Variants in NYAP1 observed in about 807,000 individuals in gnomAD.
NYAP1 encodes neuronal tyrosine-phosphorylated phosphoinositide-3-kinase adapter 1.
NYAP1 carries 20 observed loss-of-function variants against 58.6 expected under a neutral mutation model. The ratio of observed to expected loss-of-function variants is 0.34; its 90% CI spans 0.24 to 0.50. The LOEUF is 0.50. NYAP1 is among the 20% of genes least tolerant of loss of function. The pLI is 0.98. For synonymous variants in NYAP1, 572 were observed against 523.1 expected, an observed-to-expected ratio of 1.09 and a Z score of -1.27; for missense variants, 1,150 against 1,194.5, an observed-to-expected ratio of 0.96 and a Z score of 0.55.
In NYAP1 at chr7:100,485,741, G is replaced by A. The variant is rs911002028; in HGVS notation, c.68+362G>A. ...GCCCCGCCTCTCTCCCAGGGTCTAGGGAAGGGGTCATTTCAGGGGCATCAG... is the reference window on the plus strand; with the variant it reads ...GCCCCGCCTCTCTCCCAGGGTCTAGAGAAGGGGTCATTTCAGGGGCATCAG... On this transcript the variant is annotated intron_variant, in intron 2 of 6. Transcript: ENST00000300179. The surrounding 1 kb of genome is among the most constrained non-coding windows in gnomAD (Gnocchi z 5.7). Among the ~76,000 whole-genome samples the A allele has an allele frequency of 1.3e-5, 2 of 152,206 alleles. No homozygotes were observed. The highest frequency in any genetic ancestry group is 3.8e-4 in the East Asian group (2 of 5,202).
In NYAP1 at chr7:100,494,551, G is replaced by A. The variant is rs1277476877; in HGVS notation, c.*648G>A. 1 of 151,946 alleles carries A rather than the reference G, an allele frequency of 6.6e-6. No homozygotes were observed. The highest frequency in any genetic ancestry group is 1.5e-5 in the Non-Finnish European group (1 of 67,948). The allele number at this position is 151,946 out of a possible 1,614,324, so 9.4% of individuals were successfully genotyped here. On this transcript the variant is annotated 3_prime_UTR_variant, in exon 7 of 7. Coordinates refer to ENST00000300179, the MANE Select transcript of NYAP1 (RefSeq NM_173564.4). ...AGCAGAGGGCCCAAGACCATTCACAGTATTTACAATTTGCCAGAATTTGGT... is the reference window on the plus strand; with the variant it reads ...AGCAGAGGGCCCAAGACCATTCACAATATTTACAATTTGCCAGAATTTGGT...
Position 100,487,091 on chromosome 7 carries a change from A to T in NYAP1, c.339A>T (p.Arg113Ser). Reference sequence around the variant, plus strand: ...TCACAGAGGACAGCAGCACCCGAAGACCCCCTGCCAAGCCCCGGAGACACC... The same window carrying T: ...TCACAGAGGACAGCAGCACCCGAAGTCCCCCTGCCAAGCCCCGGAGACACC... ...GGLTEDSSTR[R>S]PPAKPRRHPS... The change falls in exon 3 of 7, where the codon AGA becomes AGT. Residue 113 changes from arginine to serine, a missense_variant. Transcript: ENST00000300179. This position sits in a 1 kb window ranked among gnomAD's most constrained non-coding sequence, Gnocchi z 4.1. The T allele has an allele frequency of 1.3e-6, 2 of 1,589,036 alleles. No homozygotes were observed. The highest frequency in any genetic ancestry group is 1.1e-5 in the South Asian group (1 of 88,428).
intron 6 of NYAP1, among the ~76,000 whole-genome samples, chr7:100,492,486 CTG>C (rs1454414569): frequency 1.1e-4 from 16 of 152,246 alleles, no homozygotes; most frequent in African/African-American, 3.9e-4. Flanking sequence ...AATCCCAGAA[CTG>C]TGGGAGGCAG....
Position 100,490,671 on chromosome 7 carries a change from G to A in NYAP1, c.2100G>A (p.Gly700=), listed in dbSNP as rs1289250113. The change falls in exon 5 of 7, where the codon GGG becomes GGA. Residue 700 remains glycine (G), a synonymous_variant. Coordinates refer to ENST00000300179, the MANE Select transcript of NYAP1 (RefSeq NM_173564.4). This position sits in a 1 kb window ranked among gnomAD's most constrained non-coding sequence, Gnocchi z 4.6. Reference sequence around the variant, plus strand: ...GGATCCACCATGGAGACCGAGGAGGGAGCCGCACCGCGCTGCCCATTCCCT... The same window carrying A: ...GGATCCACCATGGAGACCGAGGAGGAAGCCGCACCGCGCTGCCCATTCCCT... ...LARIHHGDRG[G]SRTALPIPCQ... is the part of the protein sequence containing the mutation. The A allele has an allele frequency of 1.3e-6, 2 of 1,559,638 alleles. No homozygotes were observed. The highest frequency in any genetic ancestry group is 1.7e-6 in the Non-Finnish European group (2 of 1,152,250).
chr7:100,493,280 G>C (rs1195414575), intron 6 of NYAP1, among the ~76,000 whole-genome samples: 2 of 152,164 alleles, frequency 1.3e-5, no homozygotes, highest in Non-Finnish European at 2.9e-5. Flanking sequence ...AGGATTGCTT[G>C]AGCCCAGGAG....
Position 100,486,944 on chromosome 7 carries a change from C to T in NYAP1, c.192C>T (p.Pro64=), listed in dbSNP as rs781754728. 11 of 1,604,118 alleles carry T rather than the reference C, an allele frequency of 6.9e-6. No homozygotes were observed. The highest frequency in any genetic ancestry group is 3.3e-5 in the South Asian group (3 of 90,168). The change falls in exon 3 of 7, where the codon CCC becomes CCT. Residue 64 remains proline, a synonymous_variant. Coordinates refer to ENST00000300179, the MANE Select transcript of NYAP1 (RefSeq NM_173564.4). This position sits in a 1 kb window ranked among gnomAD's most constrained non-coding sequence, Gnocchi z 6.2. ...TCAGGATGGGTTTCATGACGATGCCCGCCTCCCAGGAGCACACCCCGCACC... is the reference window on the plus strand; with the variant it reads ...TCAGGATGGGTTTCATGACGATGCCTGCCTCCCAGGAGCACACCCCGCACC... ...RSLRMGFMTM[P]ASQEHTPHPC... is the part of the protein sequence containing the mutation.
Position 100,488,996 on chromosome 7 carries a change from C to T in NYAP1, c.1275C>T (p.Pro425=). The change falls in exon 4 of 7, where the codon CCC becomes CCT. Residue 425 remains proline, a synonymous_variant. Coordinates refer to ENST00000300179, the MANE Select transcript of NYAP1 (RefSeq NM_173564.4). This position sits in a 1 kb window ranked among gnomAD's most constrained non-coding sequence, Gnocchi z 5.9. ...SGQPRGEREL[P]NSHSMICPKA... is the part of the protein sequence containing the mutation. Reference sequence around the variant, plus strand: ...AGCCCCGGGGGGAGCGGGAGCTCCCCAACTCCCACAGCATGATCTGCCCTA... The same window carrying T: ...AGCCCCGGGGGGAGCGGGAGCTCCCTAACTCCCACAGCATGATCTGCCCTA... 6.3e-7 allele frequency: 1 copy of T among 1,576,350 alleles called. No homozygotes were observed. Among genetic ancestry groups the T allele is most frequent in the South Asian group, 1.1e-5 (1 of 88,112 alleles).
Position 100,488,271 on chromosome 7 carries a change from C to T in NYAP1, c.550C>T (p.Pro184Ser), listed in dbSNP as rs763641581. Residue 184 changes from proline (P) to serine (S), a missense_variant, in exon 4 of 7, where the codon CCC (proline) becomes TCC (serine). By Grantham distance (74) the Pro-to-Ser change is moderately conservative. Transcript: ENST00000300179. This position sits in a 1 kb window ranked among gnomAD's most constrained non-coding sequence, Gnocchi z 5.9. The part of the protein sequence containing the change: ...VSFDESCPPG[P>S]SPRGGNLPLQ... ...CTTCGATGAGTCCTGCCCCCCAGGCCCCTCTCCTCGAGGGGGGAACCTGCC... is the reference window on the plus strand; with the variant it reads ...CTTCGATGAGTCCTGCCCCCCAGGCTCCTCTCCTCGAGGGGGGAACCTGCC... 4.3e-6 allele frequency: 7 copies of T among 1,613,942 alleles called. No homozygotes were observed. Among genetic ancestry groups the T allele is most frequent in the Non-Finnish European group, 5.9e-6 (7 of 1,179,936 alleles).
Position 100,491,045 on chromosome 7 carries a change from G to A in NYAP1, c.2218G>A (p.Val740Met), listed in dbSNP as rs762797926. Residue 740 changes from valine to methionine, a missense_variant, in exon 6 of 7, where the codon GTG becomes ATG. By Grantham distance (21) the Val-to-Met change is conservative (BLOSUM62 1). Transcript: ENST00000300179. ...CTCCACCTCCGGAGTCCGGCAGGTC[G>A]TGCTCCACACACCCCGGCCCTGCAG... Reference protein sequence around the residue: ...SASTSGVRQVVLHTPRPCSQP... With the variant: ...SASTSGVRQVMLHTPRPCSQP... 1.7e-5 allele frequency: 26 copies of A among 1,559,930 alleles called. No individual in the cohort carries two copies. Among genetic ancestry groups the A allele is most frequent in the Admixed American group, 5.7e-5 (3 of 52,182 alleles).
Position 100,488,991 on chromosome 7 carries a change from C to A in NYAP1, c.1270C>A (p.Leu424Ile). The A allele has an allele frequency of 1.3e-6, 2 of 1,572,060 alleles. No individual in the cohort carries two copies. Among genetic ancestry groups the A allele is most frequent in the Non-Finnish European group, 8.6e-7 (1 of 1,167,360 alleles). The change falls in exon 4 of 7, where the codon CTC (leucine) becomes ATC (isoleucine). Residue 424 changes from leucine (L) to isoleucine (I), a missense_variant. Physicochemically the swap from Leu to Ile is conservative, Grantham distance 5 (BLOSUM62 2). Coordinates refer to ENST00000300179, the MANE Select transcript of NYAP1 (RefSeq NM_173564.4). The surrounding 1 kb of genome is among the most constrained non-coding windows in gnomAD (Gnocchi z 5.9). ...TGGCCAGCCCCGGGGGGAGCGGGAG[C>A]TCCCCAACTCCCACAGCATGATCTG... is the stretch of plus-strand genomic sequence containing the variant. ...GSGQPRGERELPNSHSMICPK... is the reference protein window; with the variant it reads ...GSGQPRGEREIPNSHSMICPK...
Position 100,490,538 on chromosome 7 carries a change from C to T in NYAP1, c.1967C>T (p.Ala656Val). Residue 656 changes from alanine to valine, a missense_variant, in exon 5 of 7, where the codon GCC becomes GTC. Physicochemically the swap from Ala to Val is moderately conservative, Grantham distance 64. Coordinates refer to ENST00000300179, the MANE Select transcript of NYAP1 (RefSeq NM_173564.4). This position sits in a 1 kb window ranked among gnomAD's most constrained non-coding sequence, Gnocchi z 4.6. ...ELDKVEDGAR[A>V]WNGSAEGPGK... Reference sequence around the variant, plus strand: ...GCAGAGGTCGAGGACGGTGCCCGGGCCTGGAATGGCAGTGCCGAGGGTCCA... The same window carrying T: ...GCAGAGGTCGAGGACGGTGCCCGGGTCTGGAATGGCAGTGCCGAGGGTCCA... 1 of 1,587,148 alleles carries T rather than the reference C, an allele frequency of 6.3e-7. No individual in the cohort carries two copies. Among genetic ancestry groups the T allele is most frequent in the Non-Finnish European group, 8.6e-7 (1 of 1,167,086 alleles).
At position 100,490,604 on chromosome 7, in the gene NYAP1, G is replaced by A; in HGVS notation, c.2033G>A (p.Gly678Glu). 1 of 1,577,156 alleles carries A rather than the reference G, an allele frequency of 6.3e-7. No individual in the cohort carries two copies. The highest frequency in any genetic ancestry group is 2.3e-5 in the East Asian group (1 of 43,398). Residue 678 changes from glycine to glutamate, a missense_variant, in exon 5 of 7, where the codon GGG becomes GAG. Transcript: ENST00000300179. The surrounding 1 kb of genome is among the most constrained non-coding windows in gnomAD (Gnocchi z 4.6). ...EREDRGPGTS[G>E]IPVRSQGAEG... ...GAGGACAGGGGCCCTGGGACATCGG[G>A]GATCCCAGTGAGAAGCCAGGGGGCA...
Position 100,489,328 on chromosome 7 carries a change from G to T in NYAP1, c.1607G>T (p.Ser536Ile), listed in dbSNP as rs1799758742. The T allele has an allele frequency of 6.2e-7, 1 of 1,607,916 alleles. No homozygotes were observed. The highest frequency in any genetic ancestry group is 1.1e-5 in the South Asian group (1 of 90,440). Residue 536 changes from serine to isoleucine, a missense_variant, in exon 4 of 7, where the codon AGC becomes ATC. By Grantham distance (142) the Ser-to-Ile change is moderately radical (BLOSUM62 -2). Coordinates refer to ENST00000300179, the MANE Select transcript of NYAP1 (RefSeq NM_173564.4). Reference protein sequence around the residue: ...HHRGCLASPHSLPDPTVGPLT... With the variant: ...HHRGCLASPHILPDPTVGPLT... ...CGCGGCTGCCTGGCCTCCCCCCACA[G>T]CCTTCCGGACCCAACTGTAGGCCCC...
In NYAP1 at chr7:100,490,445, G is replaced by A. The variant is rs933636841; in HGVS notation, c.1946-72G>A. ...TGTCTCCTGGTCCACCCATACTGCAGCATGTGTGGCCAGAGGGACAGAATG... is the reference window on the plus strand; with the variant it reads ...TGTCTCCTGGTCCACCCATACTGCAACATGTGTGGCCAGAGGGACAGAATG... On this transcript the variant is annotated intron_variant, in intron 4 of 6. Coordinates refer to ENST00000300179, the MANE Select transcript of NYAP1 (RefSeq NM_173564.4). This position sits in a 1 kb window ranked among gnomAD's most constrained non-coding sequence, Gnocchi z 4.6. 3 of 1,406,856 alleles carry A rather than the reference G, an allele frequency of 2.1e-6. No individual in the cohort carries two copies. The highest frequency in any genetic ancestry group is 3.0e-6 in the Non-Finnish European group (3 of 1,015,814). The allele number at this position is 1,406,856 out of a possible 1,614,324, so 87.1% of individuals were successfully genotyped here.
rs766905416 is a variant in NYAP1 at position 100,490,598 on chromosome 7, C to A, written c.2027C>A (p.Thr676Lys). ...KVEREDRGPG[T>K]SGIPVRSQGA... ...GAGCGTGAGGACAGGGGCCCTGGGACATCGGGGATCCCAGTGAGAAGCCAG... is the reference window on the plus strand; with the variant it reads ...GAGCGTGAGGACAGGGGCCCTGGGAAATCGGGGATCCCAGTGAGAAGCCAG... The change falls in exon 5 of 7, where the codon ACA becomes AAA. Residue 676 changes from threonine to lysine, a missense_variant. Transcript: ENST00000300179. This position sits in a 1 kb window ranked among gnomAD's most constrained non-coding sequence, Gnocchi z 4.6. 6.3e-7 allele frequency: 1 copy of A among 1,578,710 alleles called. No homozygotes were observed. The highest frequency in any genetic ancestry group is 1.2e-5 in the South Asian group (1 of 86,080).
At chr7:100,492,845 G>T (rs1201978793) in intron 6 of NYAP1, among the ~76,000 whole-genome samples, 1 of 152,108 alleles carries the variant, frequency 6.6e-6, no homozygotes, top group Non-Finnish European at 1.5e-5. Context: ...GTTGCAGTGA[G>T]CCATGGTCGT....
At position 100,486,200 on chromosome 7, in the gene NYAP1, C is replaced by T. The variant is rs1331610984; in HGVS notation, c.69-621C>T. On this transcript the variant is annotated intron_variant, in intron 2 of 6. Coordinates refer to ENST00000300179, the MANE Select transcript of NYAP1 (RefSeq NM_173564.4). This position sits in a 1 kb window ranked among gnomAD's most constrained non-coding sequence, Gnocchi z 6.2. Reference sequence around the variant, plus strand: ...TCTTCCCTGCCAGCCGCCCCCCCAACCCTCTGCCACCCTCCACTCAGACAG... The same window carrying T: ...TCTTCCCTGCCAGCCGCCCCCCCAATCCTCTGCCACCCTCCACTCAGACAG... Among the ~76,000 whole-genome samples, 1 of 152,154 alleles carries T rather than the reference C, an allele frequency of 6.6e-6. No individual in the cohort carries two copies. Among genetic ancestry groups the T allele is most frequent in the African/African-American group, 2.4e-5 (1 of 41,426 alleles).
intron 6 of NYAP1, among the ~76,000 whole-genome samples, chr7:100,492,234 G>C (rs867069693): frequency 6.7e-6 from 1 of 149,356 alleles, no homozygotes; most frequent in Admixed American, 6.6e-5. Context: ...GTTAGACTCT[G>C]TCTCAAAAAA....
At position 100,485,264 on chromosome 7, in the gene NYAP1, T is replaced by G; in HGVS notation, c.-48T>G. 3 of 1,102,022 alleles carry G rather than the reference T, an allele frequency of 2.7e-6. No homozygotes were observed. The highest frequency in any genetic ancestry group is 3.9e-6 in the Non-Finnish European group (3 of 766,940). 68.3% of individuals were successfully genotyped at this position (1,102,022 alleles called of 1,614,324 possible). A position where few individuals can be genotyped will look rare whatever the true frequency, so the allele number is the denominator to read the frequency against. ...CCCAGGGAGGGCCGCCCCCCGGGCCTGGTGGCACTGAGCAGGGCCCCCCAG... is the reference window on the plus strand; with the variant it reads ...CCCAGGGAGGGCCGCCCCCCGGGCCGGGTGGCACTGAGCAGGGCCCCCCAG... On this transcript the variant is annotated 5_prime_UTR_variant, in exon 2 of 7. Coordinates refer to ENST00000300179, the MANE Select transcript of NYAP1 (RefSeq NM_173564.4). The surrounding 1 kb of genome is among the most constrained non-coding windows in gnomAD (Gnocchi z 5.7).
Sources: allele counts gnomAD v4.1 joint callset (sites outside exome capture counted in the v4.1 genomes callset), GRCh38; gene constraint gnomAD v4.1.1; non-coding constraint Gnocchi (gnomAD v3.1); transcripts MANE v1.5; gene names NCBI Gene and HGNC (gene_info 2026-07-23, HGNC 2026-07-21).